MGA: variants seen among roughly 807,000 people sequenced by gnomAD.
MGA encodes the protein MAX dimerization protein MGA, also known as MAX gene-associated protein.
In MGA, 40 loss-of-function variants were observed where a neutral mutation model predicts 261.1. That is an observed-to-expected ratio of 0.15 (90% CI 0.12 to 0.20). The LOEUF is 0.20. Ranked by LOEUF, MGA falls within the 10% of genes least tolerant of loss-of-function variation. The pLI, the probability that MGA is intolerant of heterozygous loss-of-function variation, is 1.00. For missense variants in MGA, 3,397 were observed against 3,630.5 expected, an observed-to-expected ratio of 0.94 and a Z score of 1.65; for synonymous variants, 1,302 against 1,290.6, an observed-to-expected ratio of 1.01 and a Z score of -0.19.
intron 11 of MGA, among the ~76,000 whole-genome samples, chr15:41,730,556 C>T (rs923719004): frequency 3.9e-5 from 6 of 152,128 alleles, no homozygotes; most frequent in East Asian, 1.9e-4. Context: ...TTTACACAGT[C>T]GTTCAAGCAA....
intron 13 of MGA, 124 bp from the exon 14 acceptor site, chr15:41,739,781 CT>C: frequency 1.1e-6 from 1 of 933,842 alleles, no homozygotes; most frequent in Non-Finnish European, 1.5e-6. Flanking sequence ...AAGTCTACTT[CT>C]TTTTCCCTTT....
chr15:41,630,481 A>G (rs1253727525), intron 1 of MGA, among the ~76,000 whole-genome samples: 1 of 152,232 alleles, frequency 6.6e-6, no homozygotes, highest in Non-Finnish European at 1.5e-5. Flanking sequence ...TAAGTAATTA[A>G]AAACTAAATC....
chr15:41,729,053 TA>T lies in MGA; in HGVS notation c.3658-105del, dbSNP rs370534443. 947 of 1,106,334 alleles carry T rather than the reference TA, an allele frequency of 8.6e-4. 4 individuals are homozygous for T. The Middle Eastern group carries it at 0.012, about 14-fold the overall frequency. The allele number at this position is 1,106,334 out of a possible 1,614,324, so 68.5% of individuals were successfully genotyped here. A position where few individuals can be genotyped will look rare whatever the true frequency, so the allele number is the denominator to read the frequency against. ...TGCTGTTTGATTTGAAAGTTTGCAT[TA>T]AAAAATTTCGACTGTTGTAATACAA... On this transcript the variant is annotated intron_variant, in intron 10 of 23. Transcript: ENST00000219905.
At position 41,668,851 on chromosome 15, in the gene MGA, G is replaced by T; in HGVS notation, c.-44G>T. ...AGGATGGGAAGGCCATTGTGACTAT[G>T]TGGTGATTACAGTTGTCTTACTACT... On this transcript the variant is annotated 5_prime_UTR_variant, in exon 2 of 24. An upstream start codon of the reference 5' UTR is lost. Transcript: ENST00000219905. The T allele has an allele frequency of 7.1e-7, 1 of 1,406,260 alleles. No homozygotes were observed. The highest frequency in any genetic ancestry group is 9.6e-7 in the Non-Finnish European group (1 of 1,045,170). The allele number at this position is 1,406,260 out of a possible 1,614,324, so 87.1% of individuals were successfully genotyped here.
chr15:41,669,106 C>T lies in MGA; in HGVS notation c.212C>T (p.Thr71Ile). ...AAGATTTGCCTTCCAGCTGATTGTA[C>T]TGTGGGTGGAATCACTGTTACCCTC... The change falls in exon 2 of 24, where the codon ACT becomes ATT. Residue 71 changes from threonine to isoleucine, a missense_variant. Around this residue, in one of 9 missense-constraint regions of MGA, gnomAD observed 81 missense variants for 84.3 expected, o/e 0.96. Transcript: ENST00000219905. The T allele has an allele frequency of 6.2e-7, 1 of 1,611,106 alleles. No individual in the cohort carries two copies. The highest frequency in any genetic ancestry group is 8.5e-7 in the Non-Finnish European group (1 of 1,177,346).
chr15:41,623,746 C>G (rs1207022172), intron 1 of MGA, among the ~76,000 whole-genome samples: 1 of 145,864 alleles, frequency 6.9e-6, no homozygotes, highest in African/African-American at 2.5e-5. Flanking sequence ...AAAAAAGAAT[C>G]TAGGTGAATT....
At chr15:41,744,567 C>A (rs1401032089) in intron 15 of MGA, among the ~76,000 whole-genome samples, 1 of 152,142 alleles carries the variant, frequency 6.6e-6, no homozygotes, top group Non-Finnish European at 1.5e-5. Context: ...CATGATTAAT[C>A]TGATACATAC....
At chr15:41,729,460 C>T in intron 11 of MGA, 111 bp downstream of exon 11, 2 of 1,025,434 alleles carry the variant, frequency 2.0e-6, no homozygotes, top group South Asian at 1.7e-5. Context: ...AGAAGTCATA[C>T]ATGACATGTA....
At chr15:41,757,629 T>C (rs912435060) in intron 18 of MGA, among the ~76,000 whole-genome samples, 159 bp from the exon 19 acceptor site, 18 of 152,218 alleles carry the variant, frequency 1.2e-4, no homozygotes, top group African/African-American at 4.3e-4. Flanking sequence ...TTGTACACTT[T>C]TAGAGAAAAT....
intron 2 of MGA, among the ~76,000 whole-genome samples, chr15:41,680,229 G>A (rs1416780586): frequency 6.6e-6 from 1 of 152,152 alleles, no homozygotes; most frequent in African/African-American, 2.4e-5. Flanking sequence ...TGTCTCTTGA[G>A]TATATTGCTC....
chr15:41,659,053 G>A (rs770429737), upstream of MGA, among the ~76,000 whole-genome samples: 1 of 152,148 alleles, frequency 6.6e-6, no homozygotes, highest in Non-Finnish European at 1.5e-5. Flanking sequence ...GAAGTTCTTG[G>A]GTTCAGGGAA....
At chr15:41,748,142 A>G (rs914755403) in intron 15 of MGA, among the ~76,000 whole-genome samples, 2 of 152,070 alleles carry the variant, frequency 1.3e-5, no homozygotes, top group African/African-American at 4.8e-5. Flanking sequence ...CTGTAGTCCC[A>G]GTTACTTGGA....
chr15:41,629,488 G>A (rs139826175), intron 1 of MGA, among the ~76,000 whole-genome samples: 6 of 152,174 alleles, frequency 3.9e-5, no homozygotes, highest in African/African-American at 9.6e-5. Context: ...TATACCTTTG[G>A]GATGTCATCG....
chr15:41,710,377 TTTA>T (rs1205683728), intron 7 of MGA, among the ~76,000 whole-genome samples: 2 of 152,222 alleles, frequency 1.3e-5, no homozygotes, highest in Non-Finnish European at 2.9e-5. Context: ...CTTGGTTTTA[TTTA>T]TTTTTTCTTT....
At chr15:41,760,606 G>A (rs552971888) in intron 20 of MGA, 77 bp downstream of exon 20, 13 of 1,418,906 alleles carry the variant, frequency 9.2e-6, no homozygotes, top group Non-Finnish European at 1.1e-5. Flanking sequence ...ATAATCCACT[G>A]ACATATAAGG....
At chr15:41,718,320 T>TACACACAC (rs1555424434) in intron 9 of MGA, 1 of 239,010 alleles carries the variant, frequency 4.2e-6, no homozygotes, top group African/African-American at 2.4e-5. Context: ...TATATATATA[T>TACACACAC]ACATATATAT....
intron 9 of MGA, among the ~76,000 whole-genome samples, chr15:41,723,655 G>A (rs1444506905): frequency 2.0e-5 from 3 of 152,122 alleles, no homozygotes; most frequent in Non-Finnish European, 4.4e-5. Context: ...GGCCTCAAGA[G>A]ATCCTCCCAC....
At chr15:41,628,433 G>A (rs1390384324) in intron 1 of MGA, among the ~76,000 whole-genome samples, 1 of 151,222 alleles carries the variant, frequency 6.6e-6, no homozygotes, top group Non-Finnish European at 1.5e-5. Context: ...GTGGTGGTGG[G>A]TTTGGTGGTT....
chr15:41,647,431 A>G (rs1327307320), intron 1 of MGA, among the ~76,000 whole-genome samples: 3 of 151,606 alleles, frequency 2.0e-5, no homozygotes, highest in Non-Finnish European at 2.9e-5. Context: ...CTGTTGTACT[A>G]CTCCACTTAT....
Sources: gnomAD v4.1 joint callset for allele counts (sites outside exome capture counted in the v4.1 genomes callset) on GRCh38, gnomAD v4.1.1 for gene constraint, gnomAD v4.1.1 regional missense constraint, MANE v1.5 for transcripts, NCBI Gene and HGNC (gene_info 2026-07-23, HGNC 2026-07-21) for gene names.